EDDM13: variants seen among roughly 807,000 people sequenced by gnomAD.
The protein encoded by EDDM13 is epididymal protein 13.
In EDDM13, 24 loss-of-function variants were observed where a neutral mutation model predicts 17.8. The observed-to-expected ratio is 1.35, with a 90% CI of 0.98 to 1.90. The LOEUF is 1.90. EDDM13 is among the 40% of genes most tolerant of loss of function. EDDM13 has a pLI of 0.00. For missense variants in EDDM13, 97 were observed against 100.8 expected (o/e 0.96, Z 0.16); for synonymous variants, 31 against 37.5 (o/e 0.83, Z 0.63).
chr19:56,279,537 T>G (rs1170452436), intron 2 of EDDM13, among the ~76,000 whole-genome samples: 1 of 152,202 alleles, frequency 6.6e-6, no homozygotes. Context: ...AAATACGTCA[T>G]GCAATTTAAT....
chr19:56,292,094 G>A (rs2039549433), intron 9 of EDDM13, among the ~76,000 whole-genome samples: 1 of 152,156 alleles, frequency 6.6e-6, no homozygotes, highest in African/African-American at 2.4e-5. Flanking sequence ...TGACTCAGCT[G>A]CTTAACCACG....
intron 14 of EDDM13, among the ~76,000 whole-genome samples, chr19:56,307,618 C>T (rs182189798): frequency 4.9e-4 from 74 of 152,142 alleles, no homozygotes; most frequent in Admixed American, 2.9e-3. Flanking sequence ...ATTGTTCATA[C>T]GGAGAAAAAT....
At chr19:56,273,610 C>A (rs1018790644) in intron 1 of EDDM13, among the ~76,000 whole-genome samples, 2 of 152,078 alleles carry the variant, frequency 1.3e-5, no homozygotes, top group African/African-American at 4.8e-5. Context: ...CTATTCCAGG[C>A]AGAGACTTGA....
chr19:56,288,946 G>A (rs530472462), intron 8 of EDDM13, among the ~76,000 whole-genome samples, 55 bp downstream of exon 8: 1 of 152,242 alleles, frequency 6.6e-6, no homozygotes, highest in Non-Finnish European at 1.5e-5. Flanking sequence ...ACCACCGCTG[G>A]GCCTTCAAAC....
At chr19:56,302,534 TCTTCCTCCCCGTTCCTC>T (rs1568726030) in intron 13 of EDDM13, among the ~76,000 whole-genome samples, 1 of 19,438 alleles carries the variant, frequency 5.1e-5, no homozygotes, top group East Asian at 1.2e-3. Flanking sequence ...CCCTCCCTCT[TCTTCCTCCCCGTTCCTC>T]CCTCCCTCCC....
At chr19:56,293,799 G>C (rs1023489594) in intron 9 of EDDM13, among the ~76,000 whole-genome samples, 2 of 152,074 alleles carry the variant, frequency 1.3e-5, no homozygotes, top group African/African-American at 4.8e-5. Flanking sequence ...CTAATGGGGG[G>C]AGTCTCGAGA....
intron 6 of EDDM13, among the ~76,000 whole-genome samples, chr19:56,286,166 C>T (rs1220209397): frequency 2.0e-5 from 3 of 151,978 alleles, no homozygotes; most frequent in East Asian, 3.9e-4. Flanking sequence ...GGACTACAGG[C>T]GCCCACCACC....
chr19:56,307,700 A>T (rs1371301698), intron 14 of EDDM13, among the ~76,000 whole-genome samples: 1 of 152,234 alleles, frequency 6.6e-6, no homozygotes, highest in Non-Finnish European at 1.5e-5. Context: ...CCCTTCAGGT[A>T]ATACAATTTT....
At chr19:56,300,866 A>C (rs1568722252) in intron 12 of EDDM13, among the ~76,000 whole-genome samples, 1 of 152,244 alleles carries the variant, frequency 6.6e-6, no homozygotes, top group Non-Finnish European at 1.5e-5. Flanking sequence ...GAAAAATGTT[A>C]CACAGGCGAA....
At chr19:56,275,444 G>A (rs117991821) in intron 1 of EDDM13, among the ~76,000 whole-genome samples, 313 of 152,138 alleles carry the variant, frequency 2.1e-3, no homozygotes, top group Middle Eastern at 6.8e-3. Context: ...GATATTTATC[G>A]TATTGGTTGG....
chr19:56,308,431 C>T (rs974670225), intron 14 of EDDM13, among the ~76,000 whole-genome samples: 4 of 151,914 alleles, frequency 2.6e-5, no homozygotes, highest in African/African-American at 9.7e-5. Context: ...TCAAACGATT[C>T]TCCTGCCTCA....
At chr19:56,284,153 T>C (rs2038927520) in intron 4 of EDDM13, 45 bp from the exon 5 acceptor site, 1 of 985,466 alleles carries the variant, frequency 1.0e-6, no homozygotes. Flanking sequence ...ACCACGCATG[T>C]AACCTTGGCC....
At chr19:56,302,917 A>G (rs1425417803) in intron 13 of EDDM13, 1 of 398,300 alleles carries the variant, frequency 2.5e-6, no homozygotes, top group Non-Finnish European at 4.4e-6. Flanking sequence ...GAAGGTCCTA[A>G]TTCTGTAAGG....
At chr19:56,307,654 CA>C (rs2040785045) in intron 14 of EDDM13, among the ~76,000 whole-genome samples, 1 of 152,110 alleles carries the variant, frequency 6.6e-6, no homozygotes, top group Admixed American at 6.6e-5. Context: ...TAAGTCACTG[CA>C]AATGCCTAAT....
rs149805118 is a variant in EDDM13 at position 56,304,199 on chromosome 19, T to C, written c.424-594T>C. Among the ~76,000 whole-genome samples, 963 of 152,310 alleles carry C rather than the reference T, an allele frequency of 6.3e-3. 7 individuals carry two copies. The highest frequency in any genetic ancestry group is 8.4e-3 in the Admixed American group (128 of 15,298). The stretch of plus-strand genomic sequence containing the variant: ...GCCCGACCAGCCAGCGCAGGGGACC[T>C]GGCGGTGCTCATGGAGATGAGAGCC... On this transcript the variant is annotated intron_variant, in intron 13 of 14. Coordinates refer to ENST00000649256, the MANE Select transcript of EDDM13 (RefSeq NM_001354658.2).
At chr19:56,301,380 T>C (rs1378269604) in intron 12 of EDDM13, among the ~76,000 whole-genome samples, 1 of 152,086 alleles carries the variant, frequency 6.6e-6, no homozygotes, top group Non-Finnish European at 1.5e-5. Flanking sequence ...ATGCCATCTG[T>C]GAACTGTCAT....
intron 6 of EDDM13, among the ~76,000 whole-genome samples, chr19:56,287,802 A>G (rs2039239584): frequency 6.6e-6 from 1 of 152,226 alleles, no homozygotes; most frequent in Non-Finnish European, 1.5e-5. Flanking sequence ...AGATTCATTC[A>G]GCACCTTAAA....
intron 12 of EDDM13, among the ~76,000 whole-genome samples, chr19:56,301,680 C>A (rs988278836): frequency 2.0e-5 from 3 of 152,122 alleles, no homozygotes; most frequent in African/African-American, 7.2e-5. Flanking sequence ...CTGGTTCAAA[C>A]CCCTCTGACA....
At chr19:56,291,312 C>T (rs1384820753) in intron 9 of EDDM13, among the ~76,000 whole-genome samples, 1 of 152,196 alleles carries the variant, frequency 6.6e-6, no homozygotes, top group East Asian at 1.9e-4. Context: ...TTCCTAATCT[C>T]TGGAAGATGA....
Sources: gnomAD v4.1 joint callset for allele counts (sites outside exome capture counted in the v4.1 genomes callset) on GRCh38, gnomAD v4.1.1 for gene constraint, MANE v1.5 for transcripts, NCBI Gene and HGNC (gene_info 2026-07-23, HGNC 2026-07-21) for gene names.